Variants in TAMM41 observed in about 807,000 individuals in gnomAD.
TAMM41 encodes the protein phosphatidate cytidylyltransferase, mitochondrial.
Under a neutral mutation model 44.1 loss-of-function variants are expected in TAMM41, and 36 were observed. The ratio of observed to expected loss-of-function variants is 0.82; its 90% confidence interval spans 0.63 to 1.08. The LOEUF is 1.08. Ranked by LOEUF, TAMM41 falls within the 50% of genes least tolerant of loss-of-function variation. The probability of loss-of-function intolerance (pLI) is 0.00; values close to 1 mark genes in which losing one functional copy is unlikely to be tolerated. For synonymous variants in TAMM41, 164 were observed against 153.1 expected (o/e 1.07, Z -0.53); for missense variants, 417 against 404.3 (o/e 1.03, Z -0.27).
chr3:11,808,370 A>G, intron 6 of TAMM41: 1 of 998,938 alleles, frequency 1.0e-6, no homozygotes, highest in Non-Finnish European at 1.2e-6. Context: ...TGTTGCCAGG[A>G]TCATGTTCAA....
intron 7 of TAMM41, among the ~76,000 whole-genome samples, chr3:11,796,766 A>T (rs2077616292): frequency 6.6e-6 from 1 of 152,158 alleles, no homozygotes; most frequent in Non-Finnish European, 1.5e-5. Flanking sequence ...AACAAGGTGG[A>T]TCTCAGCTCA....
chr3:11,811,751 A>G (rs2078092669), intron 5 of TAMM41, among the ~76,000 whole-genome samples: 1 of 152,202 alleles, frequency 6.6e-6, no homozygotes, highest in Non-Finnish European at 1.5e-5. Context: ...GAAAAATTAC[A>G]GAGACAGAAG....
rs976016560 is a variant in TAMM41, at chr3:11,808,377, TCAAA to T, written c.875-486_875-483del. 4.5e-5 allele frequency: 45 copies of T among 999,020 alleles called. No homozygotes were observed. In the African/African-American group the frequency reaches 7.3e-4, roughly 16 times the overall value. The allele number at this position is 999,020 out of a possible 1,614,324, so 61.9% of individuals were successfully genotyped here. On this transcript the variant is annotated intron_variant, in intron 6 of 7. Coordinates refer to ENST00000455809, the MANE Select transcript of TAMM41 (RefSeq NM_001284401.2). Reference sequence around the variant, plus strand: ...GATCACACTGTTGCCAGGATCATGTTCAAACAAACAACAGTGTGCCTCGTACAGA... The same window carrying T: ...GATCACACTGTTGCCAGGATCATGTTCAAACAACAGTGTGCCTCGTACAGA...
chr3:11,756,217 A>G, the TAMM41 span, among the ~76,000 whole-genome samples: 1 of 152,200 alleles, frequency 6.6e-6, no homozygotes, highest in African/African-American at 2.4e-5. Context: ...TCAATTCTAG[A>G]GTCACTGAAC....
chr3:11,748,124 C>T, the TAMM41 span, among the ~76,000 whole-genome samples: 17 of 150,564 alleles, frequency 1.1e-4, 1 homozygote, highest in South Asian at 3.4e-3. Context: ...ATCCACCTGC[C>T]TTAGCCTCCC....
chr3:11,843,774 A>G (rs892385219), intron 2 of TAMM41: 7 of 447,596 alleles, frequency 1.6e-5, no homozygotes, highest in Non-Finnish European at 2.7e-5. Flanking sequence ...TCACACTGCA[A>G]TGACAGTTAA....
chr3:11,832,537 G>A (rs922724936), intron 3 of TAMM41, among the ~76,000 whole-genome samples: 1 of 152,164 alleles, frequency 6.6e-6, no homozygotes, highest in Non-Finnish European at 1.5e-5. Context: ...GACACCAAGG[G>A]ATGACAGTAT....
intron 3 of TAMM41, among the ~76,000 whole-genome samples, chr3:11,831,816 G>A (rs927576338): frequency 6.6e-6 from 1 of 152,042 alleles, no homozygotes; most frequent in Non-Finnish European, 1.5e-5. Context: ...TTTTCTAAGG[G>A]AGTATTTGTA....
At chr3:11,754,430 G>C in the TAMM41 span, among the ~76,000 whole-genome samples, 1 of 152,096 alleles carries the variant, frequency 6.6e-6, no homozygotes, top group Non-Finnish European at 1.5e-5. Flanking sequence ...CTGGAGTGCA[G>C]TGGTGCAATC....
chr3:11,771,766 A>G, the TAMM41 span, among the ~76,000 whole-genome samples: 1 of 150,566 alleles, frequency 6.6e-6, no homozygotes, highest in East Asian at 2.0e-4. Context: ...TATTTTTAGT[A>G]GAGATGGGGT....
At chr3:11,824,832 A>G (rs1044842487) in intron 4 of TAMM41, among the ~76,000 whole-genome samples, 1 of 152,192 alleles carries the variant, frequency 6.6e-6, no homozygotes, top group Non-Finnish European at 1.5e-5. Flanking sequence ...CCAACCAACA[A>G]TAAGATACAG....
At chr3:11,835,166 T>G (rs1231070904) in intron 3 of TAMM41, among the ~76,000 whole-genome samples, 1 of 152,178 alleles carries the variant, frequency 6.6e-6, no homozygotes, top group East Asian at 1.9e-4. Context: ...TTACCCAACT[T>G]TCTTGTCCAA....
intron 3 of TAMM41, among the ~76,000 whole-genome samples, chr3:11,831,354 T>G (rs1031127256): frequency 6.6e-6 from 1 of 152,240 alleles, no homozygotes; most frequent in Non-Finnish European, 1.5e-5. Context: ...TACTTAGCAC[T>G]GTCAAATTGC....
chr3:11,834,842 T>A (rs62248592), intron 3 of TAMM41, among the ~76,000 whole-genome samples: 152,251 of 152,252 alleles, frequency 1, 76,125 homozygotes, highest in Middle Eastern at 1. Context: ...GCGCACCACC[T>A]CGCCTGGCTA....
chr3:11,761,804 G>C, the TAMM41 span, among the ~76,000 whole-genome samples: 1 of 151,762 alleles, frequency 6.6e-6, no homozygotes, highest in African/African-American at 2.4e-5. Flanking sequence ...AAAATTAGCC[G>C]TGCGTGGTGG....
At position 11,838,461 on chromosome 3, in the gene TAMM41, G is replaced by A. The variant is rs545475930; in HGVS notation, c.411+761C>T. ...TTGAACTCCTGACCTCAAATGATCC[G>A]CCCACCTTGGCCTACCAAAGTCCTG... On this transcript the variant is annotated intron_variant, in intron 3 of 7. Transcript: ENST00000455809. 1.8e-4 allele frequency among the ~76,000 whole-genome samples: 27 copies of A among 152,124 alleles called. No homozygotes were observed. In the South Asian group the frequency reaches 2.3e-3, roughly 13 times the overall value.
At chr3:11,833,655 A>G (rs1215022816) in intron 3 of TAMM41, among the ~76,000 whole-genome samples, 1 of 152,220 alleles carries the variant, frequency 6.6e-6, no homozygotes, top group Non-Finnish European at 1.5e-5. Flanking sequence ...TACACAGAGA[A>G]GAAACAGTTG....
At chr3:11,744,700 AAAAAG>A in the TAMM41 span, among the ~76,000 whole-genome samples, 21 of 152,100 alleles carry the variant, frequency 1.4e-4, no homozygotes, top group African/African-American at 4.8e-4. Flanking sequence ...GTCTCAGAAA[AAAAAG>A]AAAAGAAAAG....
chr3:11,772,273 G>T, the TAMM41 span, among the ~76,000 whole-genome samples: 2 of 150,038 alleles, frequency 1.3e-5, no homozygotes, highest in Admixed American at 6.7e-5. Context: ...AGTAGAGACG[G>T]GCTTTCACCG....
Sources: gnomAD v4.1 joint callset for allele counts (sites outside exome capture counted in the v4.1 genomes callset) on GRCh38, gnomAD v4.1.1 for gene constraint, MANE v1.5 for transcripts, NCBI Gene and HGNC (gene_info 2026-07-23, HGNC 2026-07-21) for gene names.